UBE3C: variants seen among roughly 807,000 people sequenced by gnomAD.
The protein encoded by UBE3C is ubiquitin-protein ligase E3C.
UBE3C carries 42 observed loss-of-function variants against 129.4 expected under a neutral mutation model. The observed-to-expected ratio is 0.32, with a 90% CI of 0.25 to 0.42. The LOEUF is 0.42. Ranked by LOEUF, UBE3C falls within the 10% of genes least tolerant of loss-of-function variation. The pLI is 1.00. For missense variants in UBE3C, 1,049 were observed against 1,319.1 expected (o/e 0.80, Z 3.17); for synonymous variants, 510 against 492.4 (o/e 1.04, Z -0.47).
chr7:157,267,807 C>T lies in UBE3C; in HGVS notation c.*52C>T. On this transcript the variant is annotated 3_prime_UTR_variant, in exon 23 of 23. Coordinates refer to ENST00000348165, the MANE Select transcript of UBE3C (RefSeq NM_014671.3). ...AGAGAACCAGTGCTTCCTTCGTCAG[C>T]AGCGCCTCCCCAGACCCACGAGGAT... The T allele has an allele frequency of 6.7e-7, 1 of 1,494,202 alleles. No individual in the cohort carries two copies. The highest frequency in any genetic ancestry group is 8.9e-7 in the Non-Finnish European group (1 of 1,120,638). 92.6% of individuals were successfully genotyped at this position (1,494,202 alleles called of 1,614,324 possible).
chr7:157,142,908 C>T (rs1376689867), intron 1 of UBE3C, among the ~76,000 whole-genome samples: 1 of 151,488 alleles, frequency 6.6e-6, no homozygotes. Context: ...GCAGTGTTGC[C>T]CAGGCTGGAG....
chr7:157,256,323 G>T (rs186897336), intron 21 of UBE3C, among the ~76,000 whole-genome samples: 12 of 152,062 alleles, frequency 7.9e-5, no homozygotes, highest in Middle Eastern at 3.4e-3. Flanking sequence ...TTGTACATTT[G>T]GTAGAGACAG....
At chr7:157,187,275 TGTGA>T (rs1195594672) in intron 10 of UBE3C, among the ~76,000 whole-genome samples, 2 of 152,346 alleles carry the variant, frequency 1.3e-5, no homozygotes, top group East Asian at 3.8e-4. Context: ...ACCTTATGAA[TGTGA>T]GTTTATTCAC....
intron 1 of UBE3C, 131 bp downstream of exon 1, chr7:157,139,469 C>T (rs1264155302): frequency 3.8e-6 from 3 of 784,572 alleles, no homozygotes; most frequent in East Asian, 7.3e-5. Context: ...GCCTCCCTGG[C>T]GGGGACTCGG....
At chr7:157,202,895 T>C (rs539486189) in intron 11 of UBE3C, among the ~76,000 whole-genome samples, 8 of 152,224 alleles carry the variant, frequency 5.3e-5, no homozygotes, top group African/African-American at 1.9e-4. Flanking sequence ...TTGTTTTCTT[T>C]TTAGGAACAA....
Position 157,208,055 on chromosome 7 carries a change from C to CTTTTTTTTTTTTT in UBE3C, c.1809+145_1809+157dup, listed in dbSNP as rs35366316. ...TTCAGACATGTTTTAATTTGCAAGA[C>CTTTTTTTTTTTTT]TTTTTTTTTTTTTTTTTTTTTTTTT... On this transcript the variant is annotated intron_variant, in intron 13 of 22. Transcript: ENST00000348165. 9 of 91,930 alleles carry CTTTTTTTTTTTTT rather than the reference C, an allele frequency of 9.8e-5. 3 individuals are homozygous for CTTTTTTTTTTTTT. Among genetic ancestry groups the CTTTTTTTTTTTTT allele is most frequent in the East Asian group, 8.8e-4 (2 of 2,280 alleles). 5.7% of individuals were successfully genotyped at this position (91,930 alleles called of 1,614,324 possible).
intron 4 of UBE3C, among the ~76,000 whole-genome samples, chr7:157,170,949 G>A (rs997184137): frequency 1.3e-5 from 2 of 151,576 alleles, no homozygotes; most frequent in African/African-American, 4.8e-5. Flanking sequence ...TGGGACTACA[G>A]GTGTGTGTAC....
rs1178873205 is a variant in UBE3C at position 157,207,531 on chromosome 7, G to A, written c.1552G>A (p.Glu518Lys). ...TTCACTAATTTCCATACATGATAAC[G>A]AATTCTTCGGTGATCCCATAGAAGG... ...SHSLISIHDN[E>K]FFGDPIEVVG... The change falls in exon 12 of 23, where the codon GAA (glutamate) becomes AAA (lysine). Residue 518 changes from glutamate (E) to lysine (K), a missense_variant. Physicochemically the swap from Glu to Lys is moderately conservative, Grantham distance 56 (BLOSUM62 1). This residue lies in a region of UBE3C where 314 missense variants were observed against 416.9 expected (regional missense o/e 0.75). Coordinates refer to ENST00000348165, the MANE Select transcript of UBE3C (RefSeq NM_014671.3). 4 of 1,612,328 alleles carry A rather than the reference G, an allele frequency of 2.5e-6. No homozygotes were observed. Among genetic ancestry groups the A allele is most frequent in the Admixed American group, 1.7e-5 (1 of 59,562 alleles).
Position 157,138,956 on chromosome 7 carries a change from C to G in UBE3C, c.-317C>G, listed in dbSNP as rs1266179045. 1 of 152,178 alleles carries G rather than the reference C, an allele frequency of 6.6e-6. No homozygotes were observed. The highest frequency in any genetic ancestry group is 2.4e-5 in the African/African-American group (1 of 41,418). The allele number at this position is 152,178 out of a possible 1,614,324, so 9.4% of individuals were successfully genotyped here. A position where few individuals can be genotyped will look rare whatever the true frequency, so the allele number is the denominator to read the frequency against. On this transcript the variant is annotated 5_prime_UTR_variant, in exon 1 of 23. Coordinates refer to ENST00000348165, the MANE Select transcript of UBE3C (RefSeq NM_014671.3). ...CACTGACGGCTGACCGCCATCTTCC[C>G]TCCCGAGGCGGCAGTTCCAGGTGCA...
chr7:157,230,960 C>A, intron 17 of UBE3C, 120 bp from the exon 18 acceptor site: 1 of 1,363,452 alleles, frequency 7.3e-7, no homozygotes. Flanking sequence ...GTTTTGAGTC[C>A]TATGTTAAAA....
At chr7:157,233,585 A>G (rs183390222) in intron 18 of UBE3C, among the ~76,000 whole-genome samples, 11 of 152,260 alleles carry the variant, frequency 7.2e-5, no homozygotes, top group Admixed American at 6.5e-5. Context: ...CAGTCACCGC[A>G]TTTTGTTTAC....
intron 1 of UBE3C, among the ~76,000 whole-genome samples, chr7:157,150,413 T>C (rs956144959): frequency 2.6e-5 from 4 of 151,924 alleles, no homozygotes; most frequent in African/African-American, 9.7e-5. Flanking sequence ...ATATGTCCCC[T>C]CTAATCCAGC....
In UBE3C at chr7:157,197,649, A is replaced by G. The variant is rs563955848; in HGVS notation, c.1332-4072A>G. The stretch of plus-strand genomic sequence containing the variant: ...AGTGTTAAGAATATCTGCTTCTAGC[A>G]GTGTCAGGCTTTCATCTGTTAGCTC... On this transcript the variant is annotated intron_variant, in intron 10 of 22. Transcript: ENST00000348165. 5.6e-6 allele frequency: 9 copies of G among 1,609,424 alleles called. No homozygotes were observed. In the African/African-American group the frequency reaches 1.2e-4, roughly 21 times the overall value.
intron 10 of UBE3C, chr7:157,192,861 C>CA: frequency 2.3e-6 from 2 of 860,402 alleles, no homozygotes; most frequent in Non-Finnish European, 3.7e-6. Context: ...AAGACATGAA[C>CA]TTAAAAAAAA....
chr7:157,198,372 A>G (rs1252624183), intron 10 of UBE3C: 7 of 749,468 alleles, frequency 9.3e-6, no homozygotes, highest in African/African-American at 6.9e-5. Flanking sequence ...TTATTTCTTG[A>G]TATGTCATCC....
chr7:157,156,713 TA>T (rs555689452), intron 1 of UBE3C, among the ~76,000 whole-genome samples: 34,914 of 140,398 alleles, frequency 0.25, 6,497 homozygotes, highest in African/African-American at 0.54. Flanking sequence ...CCCTTCTTTT[TA>T]AAAAAAAAAA....
chr7:157,171,663 TATATATATA>T (rs1808370721), intron 4 of UBE3C, among the ~76,000 whole-genome samples: 1 of 25,808 alleles, frequency 3.9e-5, no homozygotes, highest in Non-Finnish European at 1.0e-4. Flanking sequence ...AAATATTTTA[TATATATATA>T]TATATATATA....
At chr7:157,262,449 C>T (rs927653177) in intron 22 of UBE3C, among the ~76,000 whole-genome samples, 11 of 88,714 alleles carry the variant, frequency 1.2e-4, no homozygotes, top group African/African-American at 4.5e-4. Context: ...GATAGAGTTT[C>T]GCTCCTGTTG....
Position 157,144,073 on chromosome 7 carries a change from G to T in UBE3C, c.66+4735G>T, listed in dbSNP as rs1807533276. Among the ~76,000 whole-genome samples the T allele has an allele frequency of 1.3e-5, 2 of 152,194 alleles. 1 individual carries two copies. The highest frequency in any genetic ancestry group is 4.8e-5 in the African/African-American group (2 of 41,460). On this transcript the variant is annotated intron_variant, in intron 1 of 22. Transcript: ENST00000348165. ...GAATTGGGTGATTTGAGCATATTCT[G>T]TAGGGTAGTCAGAGTTGGAAGTCAA...
Sources: gnomAD v4.1 joint callset for allele counts (sites outside exome capture counted in the v4.1 genomes callset) on GRCh38, gnomAD v4.1.1 for gene constraint, gnomAD v4.1.1 regional missense constraint, MANE v1.5 for transcripts, NCBI Gene and HGNC (gene_info 2026-07-23, HGNC 2026-07-21) for gene names.